The following EPS15 variants were observed in gnomAD, a reference collection of about 807,000 sequenced individuals.
EPS15 encodes epidermal growth factor receptor substrate 15.
A neutral mutation model predicts 113.8 loss-of-function variants in EPS15; 72 were observed. That is an observed-to-expected ratio of 0.63 (90% confidence interval 0.52 to 0.77). EPS15 has a LOEUF of 0.77. Ranked by LOEUF, EPS15 falls within the 30% of genes least tolerant of loss-of-function variation. The pLI, the probability that EPS15 is intolerant of heterozygous loss-of-function variation, is 0.00. For missense variants in EPS15, 1,048 were observed against 1,045.8 expected, an observed-to-expected ratio of 1.00 and a Z score of -0.03; for synonymous variants, 344 against 363.4, an observed-to-expected ratio of 0.95 and a Z score of 0.61.
intron 21 of EPS15, among the ~76,000 whole-genome samples, chr1:51,374,768 C>T (rs1646746279): frequency 6.6e-6 from 1 of 151,926 alleles, no homozygotes; most frequent in African/African-American, 2.4e-5. Context: ...TGGAGTCTCG[C>T]TCTGTTGCTC....
chr1:51,414,132 G>A (rs955130704), intron 13 of EPS15, among the ~76,000 whole-genome samples: 11 of 152,136 alleles, frequency 7.2e-5, no homozygotes, highest in Non-Finnish European at 1.5e-4. Context: ...AATCTATTGA[G>A]CCGGCAAAGT....
chr1:51,447,899 T>C, intron 9 of EPS15, 147 bp downstream of exon 9: 1 of 1,258,726 alleles, frequency 7.9e-7, no homozygotes, highest in Non-Finnish European at 1.0e-6. Flanking sequence ...ATGTACTTTG[T>C]TAAAAAAAAA....
intron 7 of EPS15, 91 bp from the exon 8 acceptor site, chr1:51,461,241 G>A (rs1402360760): frequency 1.1e-6 from 1 of 907,366 alleles, no homozygotes; most frequent in African/African-American, 1.6e-5. Flanking sequence ...AGCTAGGAAT[G>A]GTGGCTCATG....
intron 15 of EPS15, 146 bp downstream of exon 15, chr1:51,407,989 G>A (rs1649290989): frequency 1.5e-6 from 1 of 677,870 alleles, no homozygotes; most frequent in South Asian, 1.7e-5. Context: ...TATATAACAG[G>A]TGACAAAAAA....
At chr1:51,424,162 AAAAG>A (rs2148453024) in intron 12 of EPS15, among the ~76,000 whole-genome samples, 1 of 152,336 alleles carries the variant, frequency 6.6e-6, no homozygotes, top group East Asian at 1.9e-4. Context: ...AGAAAACTTA[AAAAG>A]AATTAAATGT....
chr1:51,460,741 G>T (rs1345422730), intron 8 of EPS15, among the ~76,000 whole-genome samples: 4 of 151,972 alleles, frequency 2.6e-5, no homozygotes, highest in East Asian at 3.9e-4. Context: ...ATCACTTGAG[G>T]TCAGGAGTTC....
intron 1 of EPS15, among the ~76,000 whole-genome samples, chr1:51,495,547 CA>C (rs1644311175): frequency 6.6e-6 from 1 of 151,072 alleles, no homozygotes. Flanking sequence ...ACAAATTTTT[CA>C]AAAAAATCAA....
rs753766820 is a variant in EPS15 at position 51,468,517 on chromosome 1, C to T, written c.265G>A (p.Val89Ile). The T allele has an allele frequency of 6.8e-6, 11 of 1,613,762 alleles. No individual in the cohort carries two copies. Among genetic ancestry groups the T allele is most frequent in the Non-Finnish European group, 9.3e-6 (11 of 1,179,698 alleles). ...LVACAQNGLEVSLSSLNLAVP... is the reference protein window; with the variant it reads ...LVACAQNGLEISLSSLNLAVP... ...GCCAGGTTCAAACTACTTAGTGAAA[C>T]TTCCAATCCATTCTGGGCACATGCC... is the stretch of plus-strand genomic sequence containing the variant. The change falls in exon 5 of 25, where the codon GTT (valine) becomes ATT (isoleucine). Residue 89 changes from valine to isoleucine, a missense_variant. Physicochemically the swap from Val to Ile is conservative, Grantham distance 29. Transcript: ENST00000371733.
chr1:51,458,416 C>G (rs1299521966), intron 8 of EPS15: 1 of 294,922 alleles, frequency 3.4e-6, no homozygotes, highest in African/African-American at 2.3e-5. Flanking sequence ...AATGATGACA[C>G]TACTATTCCC....
chr1:51,479,696 T>C (rs148768118), intron 2 of EPS15, among the ~76,000 whole-genome samples: 60 of 152,372 alleles, frequency 3.9e-4, no homozygotes, highest in African/African-American at 1.4e-3. Flanking sequence ...GCAATTTGTT[T>C]TTCTTCTTAG....
chr1:51,379,818 T>G (rs936743340), intron 21 of EPS15, among the ~76,000 whole-genome samples: 1 of 151,958 alleles, frequency 6.6e-6, no homozygotes, highest in Admixed American at 6.6e-5. Flanking sequence ...TCCCAGCACT[T>G]TGGGAGGCCA....
Position 51,425,284 on chromosome 1 carries a change from A to G in EPS15, c.1041-3426T>C, listed in dbSNP as rs74080583. ...AAATCTAATATGAAATGGTCAAGTTATTCACAAGGACAGTTAGGCTGAGGG... is the reference window on the plus strand; with the variant it reads ...AAATCTAATATGAAATGGTCAAGTTGTTCACAAGGACAGTTAGGCTGAGGG... On this transcript the variant is annotated intron_variant, in intron 12 of 24. Transcript: ENST00000371733. Among the ~76,000 whole-genome samples the G allele has an allele frequency of 5.6e-3, 859 of 152,362 alleles. 6 individuals are homozygous for G. The highest frequency in any genetic ancestry group is 0.02 in the African/African-American group (822 of 41,586).
At chr1:51,513,295 T>C (rs181109154) in intron 1 of EPS15, among the ~76,000 whole-genome samples, 78 of 152,280 alleles carry the variant, frequency 5.1e-4, no homozygotes, top group African/African-American at 1.8e-3. Flanking sequence ...TGTCCAGCAT[T>C]AGGTGGCCAG....
chr1:51,416,901 CA>C (rs1366244671), intron 13 of EPS15, among the ~76,000 whole-genome samples: 1 of 151,052 alleles, frequency 6.6e-6, no homozygotes, highest in Non-Finnish European at 1.5e-5. Flanking sequence ...AACTAACCTA[CA>C]ATTAGAAATA....
chr1:51,374,990 A>G (rs1420597415), intron 21 of EPS15, among the ~76,000 whole-genome samples: 1 of 135,386 alleles, frequency 7.4e-6, no homozygotes, highest in East Asian at 2.2e-4. Context: ...AATATTTAAT[A>G]TACTTCTTTT....
chr1:51,511,911 C>A (rs1218937589), intron 1 of EPS15, among the ~76,000 whole-genome samples: 4 of 151,810 alleles, frequency 2.6e-5, no homozygotes, highest in Admixed American at 2.0e-4. Flanking sequence ...TGTAATAATC[C>A]CCAGTTTAAA....
At chr1:51,509,991 C>T (rs374693413) in intron 1 of EPS15, among the ~76,000 whole-genome samples, 1 of 152,182 alleles carries the variant, frequency 6.6e-6, no homozygotes, top group African/African-American at 2.4e-5. Context: ...GCAGTTTGAC[C>T]TTGAACAAAT....
intron 21 of EPS15, among the ~76,000 whole-genome samples, chr1:51,379,950 T>C (rs1005972167): frequency 6.6e-6 from 1 of 151,410 alleles, no homozygotes; most frequent in South Asian, 2.1e-4. Context: ...TAGTCCCAGC[T>C]ACTTGGAAGG....
At chr1:51,370,251 G>T (rs182575632) in intron 21 of EPS15, among the ~76,000 whole-genome samples, 8 of 152,180 alleles carry the variant, frequency 5.3e-5, no homozygotes, top group Admixed American at 3.9e-4. Context: ...GTTGCCAGTC[G>T]TATCAAAGTA....
Sources: allele counts gnomAD v4.1 joint callset (sites outside exome capture counted in the v4.1 genomes callset), GRCh38; gene constraint gnomAD v4.1.1; transcripts MANE v1.5; gene names NCBI Gene and HGNC (gene_info 2026-07-23, HGNC 2026-07-21).